CACNA1E: variants seen among roughly 807,000 people sequenced by gnomAD.
CACNA1E encodes the protein voltage-dependent R-type calcium channel subunit alpha-1E.
CACNA1E carries 40 observed loss-of-function variants against 259.2 expected under a neutral mutation model. The observed-to-expected ratio is 0.15, with a 90% CI of 0.12 to 0.20. CACNA1E has a LOEUF of 0.20. Among genes scored for constraint, CACNA1E ranks in the 10% least tolerant of loss-of-function variants. The pLI is 1.00. For missense variants in CACNA1E, 1,874 were observed against 3,040.1 expected (o/e 0.62, Z 9.02); for synonymous variants, 1,104 against 1,138.5 (o/e 0.97, Z 0.61).
At chr1:181,772,508 A>G (rs183513533) in intron 37 of CACNA1E, among the ~76,000 whole-genome samples, 2 of 152,310 alleles carry the variant, frequency 1.3e-5, no homozygotes, top group East Asian at 1.9e-4. Context: ...TTCTAGGGAA[A>G]GATTGTTGTG....
At chr1:181,777,225 T>A (rs1200791311) in intron 38 of CACNA1E, among the ~76,000 whole-genome samples, 1 of 152,228 alleles carries the variant, frequency 6.6e-6, no homozygotes, top group Non-Finnish European at 1.5e-5. Context: ...AAGGAACTGT[T>A]CTGTTCCAGG....
chr1:181,591,765 T>C (rs1224646983), intron 6 of CACNA1E, among the ~76,000 whole-genome samples: 1 of 152,218 alleles, frequency 6.6e-6, no homozygotes, highest in African/African-American at 2.4e-5. Context: ...GTGCCTTTAT[T>C]TTTCTATCAG....
intron 7 of CACNA1E, among the ~76,000 whole-genome samples, chr1:181,680,684 C>T (rs1463403275): frequency 6.6e-6 from 1 of 152,210 alleles, no homozygotes; most frequent in African/African-American, 2.4e-5. Context: ...ACACCCCATC[C>T]CTGTCCTCAG....
chr1:181,472,999 A>C (rs1662609556), intron 2 of CACNA1E, among the ~76,000 whole-genome samples: 1 of 152,190 alleles, frequency 6.6e-6, no homozygotes, highest in Non-Finnish European at 1.5e-5. Context: ...TGAGTCCTTT[A>C]GTGGCATGGG....
chr1:181,545,099 C>T (rs1647304677), intron 3 of CACNA1E, among the ~76,000 whole-genome samples: 1 of 151,178 alleles, frequency 6.6e-6, no homozygotes, highest in Non-Finnish European at 1.5e-5. Context: ...CATTTCAGCT[C>T]CAAAAAAAAA....
intron 1 of CACNA1E, among the ~76,000 whole-genome samples, chr1:181,342,341 G>A (rs1557927166): frequency 6.6e-6 from 1 of 152,030 alleles, no homozygotes; most frequent in African/African-American, 2.4e-5. Context: ...GCAGAGGAGT[G>A]ACAGGCTCTG....
chr1:181,631,088 A>G (rs1360543429), intron 6 of CACNA1E, among the ~76,000 whole-genome samples: 1 of 152,198 alleles, frequency 6.6e-6, no homozygotes, highest in Non-Finnish European at 1.5e-5. Flanking sequence ...AAGAACAAAC[A>G]AACCTGGCCT....
intron 27 of CACNA1E, among the ~76,000 whole-genome samples, chr1:181,754,720 T>C (rs1466999802): frequency 6.6e-6 from 1 of 152,248 alleles, no homozygotes; most frequent in East Asian, 1.9e-4. Context: ...TGAACTTGCC[T>C]ATGAAATATT....
At chr1:181,453,997 T>C (rs1235524533) in intron 2 of CACNA1E, among the ~76,000 whole-genome samples, 2 of 152,182 alleles carry the variant, frequency 1.3e-5, no homozygotes, top group Non-Finnish European at 2.9e-5. Flanking sequence ...TTAACTTCTC[T>C]TGCCTCAGGG....
At chr1:181,794,443 T>TA (rs3830693) in intron 45 of CACNA1E, among the ~76,000 whole-genome samples, 16,254 of 146,180 alleles carry the variant, frequency 0.11, 1,103 homozygotes, top group East Asian at 0.29. Context: ...CAAGGGCGTT[T>TA]AAAAAAAAAA....
chr1:181,427,566 C>T (rs1659385191), intron 2 of CACNA1E, among the ~76,000 whole-genome samples: 1 of 141,828 alleles, frequency 7.1e-6, no homozygotes, highest in Non-Finnish European at 1.5e-5. Flanking sequence ...ACCCCTCCCC[C>T]ACCTCAACTC....
At chr1:181,527,118 A>G (rs1034281060) in intron 3 of CACNA1E, among the ~76,000 whole-genome samples, 2 of 152,238 alleles carry the variant, frequency 1.3e-5, no homozygotes, top group African/African-American at 4.8e-5. Context: ...TTGGACAGCT[A>G]TATCAAAAGT....
intron 23 of CACNA1E, among the ~76,000 whole-genome samples, 188 bp downstream of exon 23, chr1:181,737,842 C>T (rs1457935204): frequency 6.6e-6 from 1 of 152,216 alleles, no homozygotes. Flanking sequence ...GCCCAACATA[C>T]TACAAGGCTC....
rs1662384239 is a variant in CACNA1E, at chr1:181,802,985, T to C, written c.*4151T>C. On this transcript the variant is annotated 3_prime_UTR_variant, in exon 48 of 48. Coordinates refer to ENST00000367573, the MANE Select transcript of CACNA1E (RefSeq NM_001205293.3). Reference sequence around the variant, plus strand: ...GTACAGCAGAAGGGGAGCAAATAGCTACCTTTCAAGGATTTTGAGATTTGA... The same window carrying C: ...GTACAGCAGAAGGGGAGCAAATAGCCACCTTTCAAGGATTTTGAGATTTGA... 6.6e-6 allele frequency: 1 copy of C among 152,222 alleles called. No homozygotes were observed. The highest frequency in any genetic ancestry group is 2.4e-5 in the African/African-American group (1 of 41,458). The allele number at this position is 152,222 out of a possible 1,614,324, so 9.4% of individuals were successfully genotyped here. A position where few individuals can be genotyped will look rare whatever the true frequency, so the allele number is the denominator to read the frequency against.
chr1:181,517,821 A>G (rs1224267651), intron 3 of CACNA1E, among the ~76,000 whole-genome samples: 1 of 152,198 alleles, frequency 6.6e-6, no homozygotes, highest in Non-Finnish European at 1.5e-5. Context: ...CCCTAATACA[A>G]GAGTTTCCTG....
chr1:181,681,613 A>T (rs1005304008), intron 7 of CACNA1E, among the ~76,000 whole-genome samples: 1 of 152,186 alleles, frequency 6.6e-6, no homozygotes, highest in Admixed American at 6.5e-5. Flanking sequence ...CTTATGTAAA[A>T]ACCTTAGACT....
chr1:181,480,205 TC>T (rs781608204), upstream of CACNA1E, among the ~76,000 whole-genome samples: 2 of 152,134 alleles, frequency 1.3e-5, no homozygotes, highest in Non-Finnish European at 2.9e-5. Context: ...AATTCATAGA[TC>T]TCAAAGCTCT....
chr1:181,801,018 G>A lies in CACNA1E; in HGVS notation c.*2184G>A, dbSNP rs539971708. 5 of 152,770 alleles carry A rather than the reference G, an allele frequency of 3.3e-5. No individual in the cohort carries two copies. In the East Asian group the frequency reaches 5.8e-4, roughly 18 times the overall value. The allele number at this position is 152,770 out of a possible 1,614,324, so 9.5% of individuals were successfully genotyped here. On this transcript the variant is annotated 3_prime_UTR_variant, in exon 48 of 48. Transcript: ENST00000367573. ...ATATACAGCACCCTGATCCTAACAG[G>A]TGTGATTGTTACGTAAGACGCTGAT...
At chr1:181,421,804 C>T (rs2102194238) in intron 2 of CACNA1E, among the ~76,000 whole-genome samples, 1 of 152,342 alleles carries the variant, frequency 6.6e-6, no homozygotes, top group East Asian at 1.9e-4. Flanking sequence ...TCTTCCAAGC[C>T]ACTATCCTTT....
Sources: gnomAD v4.1 joint callset for allele counts (sites outside exome capture counted in the v4.1 genomes callset) on GRCh38, gnomAD v4.1.1 for gene constraint, MANE v1.5 for transcripts, NCBI Gene and HGNC (gene_info 2026-07-23, HGNC 2026-07-21) for gene names.